The following TFIP11 variants were observed in gnomAD, a reference collection of about 807,000 sequenced individuals.
TFIP11 encodes the protein tuftelin-interacting protein 11.
Under a neutral mutation model 96.8 loss-of-function variants are expected in TFIP11, and 86 were observed. That is an observed-to-expected ratio of 0.89 (90% CI 0.75 to 1.06). The LOEUF (loss-of-function observed/expected upper bound fraction) is 1.06, where lower values mean the gene tolerates loss of function less well. Ranked by LOEUF, TFIP11 falls within the 50% of genes least tolerant of loss-of-function variation. TFIP11 has a pLI of 0.00. For missense variants in TFIP11, 881 were observed against 1,076.7 expected, an observed-to-expected ratio of 0.82 and a Z score of 2.54; for synonymous variants, 405 against 395.2, an observed-to-expected ratio of 1.02 and a Z score of -0.29.
chr22:26,502,547 C>T (rs1163137731), intron 7 of TFIP11, among the ~76,000 whole-genome samples: 3 of 152,148 alleles, frequency 2.0e-5, no homozygotes, highest in African/African-American at 2.4e-5. Context: ...TTGTCCAACC[C>T]GCAGCCCAGG....
chr22:26,502,235 C>A, intron 7 of TFIP11, 183 bp from the exon 8 acceptor site: 1 of 657,410 alleles, frequency 1.5e-6, no homozygotes, highest in African/African-American at 1.8e-5. Flanking sequence ...CTCCTTGACC[C>A]CATTCGCCCT....
chr22:26,496,074 C>T lies in TFIP11; in HGVS notation c.1848G>A (p.Leu616=), dbSNP rs201764034. 7 of 1,613,342 alleles carry T rather than the reference C, an allele frequency of 4.3e-6. No homozygotes were observed. The highest frequency in any genetic ancestry group is 5.9e-6 in the Non-Finnish European group (7 of 1,179,812). ...AFMVKNIVPK[L]GMCLGELVIN... is the part of the protein sequence containing the mutation. ...GAATGCATTTCCCCTTATCCTTACC[C>T]AGCTTGGGCACTATGTTTTTGACCA... The change falls in exon 12 of 15, where the codon CTG becomes CTA. Residue 616 remains leucine, a splice_region_variant and synonymous_variant. Coordinates refer to ENST00000407690, the MANE Select transcript of TFIP11 (RefSeq NM_012143.4).
rs1444332271 is a variant in TFIP11, at chr22:26,510,157, C to T, written c.116G>A (p.Arg39Gln). ...TTCCTTGGTCTGCCAGTGGCGCTGT[C>T]GGTTGGGGTTGAACTCATTCTGGAG... ...WDLQNEFNPN[R>Q]QRHWQTKEEA... The change falls in exon 4 of 15, where the codon CGA becomes CAA. Residue 39 changes from arginine (R) to glutamine (Q), a missense_variant. Physicochemically the swap from Arg to Gln is conservative, Grantham distance 43. Transcript: ENST00000407690. The T allele has an allele frequency of 6.2e-7, 1 of 1,614,178 alleles. No individual in the cohort carries two copies. The highest frequency in any genetic ancestry group is 2.2e-5 in the East Asian group (1 of 44,880).
intron 4 of TFIP11, among the ~76,000 whole-genome samples, chr22:26,507,470 AT>A (rs1325994374): frequency 6.6e-6 from 1 of 152,038 alleles, no homozygotes; most frequent in African/African-American, 2.4e-5. Flanking sequence ...TAAAAAAAAA[AT>A]AAATAAAAAT....
chr22:26,495,031 A>G, intron 12 of TFIP11, 92 bp from the exon 13 acceptor site: 1 of 1,545,928 alleles, frequency 6.5e-7, no homozygotes, highest in Non-Finnish European at 8.8e-7. Context: ...TTTTCATCTC[A>G]GCTTACAGCA....
chr22:26,509,935 G>A (rs995536318), intron 4 of TFIP11, 129 bp downstream of exon 4: 13 of 862,716 alleles, frequency 1.5e-5, no homozygotes, highest in Non-Finnish European at 1.8e-5. Context: ...CTCTCGAGAT[G>A]ATGTCACAGC....
intron 2 of TFIP11, 68 bp downstream of exon 2, chr22:26,512,030 CA>C (rs2147155670): frequency 6.6e-6 from 1 of 152,244 alleles, no homozygotes; most frequent in South Asian, 2.1e-4. Context: ...GACACTTCTG[CA>C]AGGTAGGTAC....
intron 14 of TFIP11, 43 bp from the exon 15 acceptor site, chr22:26,492,411 G>A (rs200343279): frequency 4.9e-5 from 77 of 1,582,218 alleles, no homozygotes; most frequent in Non-Finnish European, 5.4e-5. Flanking sequence ...GGTGTTTCCA[G>A]GTGTATGGAA....
chr22:26,500,643 G>A (rs561516585), intron 8 of TFIP11, among the ~76,000 whole-genome samples: 1 of 150,580 alleles, frequency 6.6e-6, no homozygotes, highest in African/African-American at 2.5e-5. Context: ...TGAACCACCA[G>A]CTTTAGACTC....
At position 26,498,825 on chromosome 22, in the gene TFIP11, C is replaced by G. The variant is rs552442564; in HGVS notation, c.1436+44G>C. On this transcript the variant is annotated intron_variant, in intron 10 of 14. Transcript: ENST00000407690. Reference sequence around the variant, plus strand: ...CCTTCAGCAATCCTTCCCAACCCCCCAGGAGAAAGGAGCTGGGGTACAGAG... The same window carrying G: ...CCTTCAGCAATCCTTCCCAACCCCCGAGGAGAAAGGAGCTGGGGTACAGAG... 9.1e-6 allele frequency: 14 copies of G among 1,530,390 alleles called. 1 individual carries two copies. Among genetic ancestry groups the G allele is most frequent in the East Asian group, 6.8e-5 (3 of 44,394 alleles). 94.8% of individuals were successfully genotyped at this position (1,530,390 alleles called of 1,614,324 possible). A position where few individuals can be genotyped will look rare whatever the true frequency, so the allele number is the denominator to read the frequency against.
chr22:26,511,464 A>C lies in TFIP11; in HGVS notation c.-96+635T>G, dbSNP rs548258999. On this transcript the variant is annotated intron_variant, in intron 2 of 14. Transcript: ENST00000407690. The stretch of plus-strand genomic sequence containing the variant: ...TATCCTTCAATCCAATCAAGTTGAC[A>C]CTCAGTATTTACCATCACAATCATC... 3.3e-5 allele frequency: 5 copies of C among 152,326 alleles called. No individual in the cohort carries two copies. The South Asian group carries it at 8.3e-4, about 25-fold the overall frequency. The allele number at this position is 152,326 out of a possible 1,614,324, so 9.4% of individuals were successfully genotyped here. A position where few individuals can be genotyped will look rare whatever the true frequency, so the allele number is the denominator to read the frequency against.
intron 8 of TFIP11, 105 bp from the exon 9 acceptor site, chr22:26,499,736 C>T (rs1176779024): frequency 2.5e-6 from 3 of 1,181,948 alleles, no homozygotes; most frequent in African/African-American, 1.5e-5. Context: ...GTAGAAACCA[C>T]ATTATTCAAC....
In TFIP11 at chr22:26,495,018, C is replaced by G. The variant is rs548401617; in HGVS notation, c.1850-79G>C. ...GAAGCACAAAGAGCAAAGACAATGT[C>G]CGTTTTCATCTCAGCTTACAGCAAC... On this transcript the variant is annotated intron_variant, in intron 12 of 14. Coordinates refer to ENST00000407690, the MANE Select transcript of TFIP11 (RefSeq NM_012143.4). 8 of 1,579,714 alleles carry G rather than the reference C, an allele frequency of 5.1e-6. No homozygotes were observed. The African/African-American group carries it at 1.1e-4, about 21-fold the overall frequency.
rs1263634924 is a variant in TFIP11, at chr22:26,499,482, C to T, written c.951G>A (p.Leu317=). The change falls in exon 9 of 15, where the codon CTG becomes CTA. Residue 317 remains leucine, a synonymous_variant. Coordinates refer to ENST00000407690, the MANE Select transcript of TFIP11 (RefSeq NM_012143.4). ...GCTGCAGGTTGTGCTCCAGCTCGGG[C>T]AGCGCGAAGCCGGGGGCCTTGGCCT... ...GKEAKAPGFA[L]PELEHNLQLL... 1 of 1,614,078 alleles carries T rather than the reference C, an allele frequency of 6.2e-7. No individual in the cohort carries two copies. The highest frequency in any genetic ancestry group is 1.3e-5 in the African/African-American group (1 of 74,946).
At chr22:26,495,242 A>G (rs930498429) in intron 12 of TFIP11, among the ~76,000 whole-genome samples, 4 of 139,894 alleles carry the variant, frequency 2.9e-5, no homozygotes, top group Admixed American at 2.2e-4. Flanking sequence ...GATTACAGGC[A>G]TAAGTCACAA....
chr22:26,491,735 G>A lies in TFIP11; in HGVS notation c.*278C>T. The A allele has an allele frequency of 6.8e-7, 1 of 1,463,400 alleles. No homozygotes were observed. The highest frequency in any genetic ancestry group is 2.3e-5 in the East Asian group (1 of 43,882). The allele number at this position is 1,463,400 out of a possible 1,614,324, so 90.7% of individuals were successfully genotyped here. A position where few individuals can be genotyped will look rare whatever the true frequency, so the allele number is the denominator to read the frequency against. ...GCTGCCACCAGAGACTAAAGGGAAG[G>A]CTGCTATGGAGGAACTACAGAGAAC... On this transcript the variant is annotated 3_prime_UTR_variant, in exon 15 of 15. Transcript: ENST00000407690.
intron 5 of TFIP11, 30 bp from the exon 6 acceptor site, chr22:26,506,489 A>C: frequency 6.3e-7 from 1 of 1,581,632 alleles, no homozygotes; most frequent in African/African-American, 1.4e-5. Flanking sequence ...AAGCTTAGTT[A>C]ATGGAAAAAC....
intron 14 of TFIP11, chr22:26,492,694 C>A: frequency 3.7e-6 from 1 of 270,014 alleles, no homozygotes; most frequent in Non-Finnish European, 7.2e-6. Flanking sequence ...CCACCTTGCT[C>A]TGTAGAGTTT....
chr22:26,509,927 C>CT, intron 4 of TFIP11, 137 bp downstream of exon 4: 1 of 805,568 alleles, frequency 1.2e-6, no homozygotes, highest in Admixed American at 2.4e-5. Context: ...AACCAGACCT[C>CT]TCGAGATGAT....
Sources: allele counts gnomAD v4.1 joint callset (sites outside exome capture counted in the v4.1 genomes callset), GRCh38; gene constraint gnomAD v4.1.1; transcripts MANE v1.5; gene names NCBI Gene and HGNC (gene_info 2026-07-23, HGNC 2026-07-21).